ITSN1: variants seen among roughly 807,000 people sequenced by gnomAD.
The protein encoded by ITSN1 is intersectin-1.
In ITSN1, 58 loss-of-function variants were observed where a neutral mutation model predicts 239.8. The observed-to-expected ratio is 0.24, with a 90% CI of 0.20 to 0.30. The LOEUF is 0.30. Among genes scored for constraint, ITSN1 ranks in the 10% least tolerant of loss-of-function variants. The pLI is 1.00. For synonymous variants in ITSN1, 780 were observed against 770.8 expected (o/e 1.01, Z -0.20); for missense variants, 1,558 against 2,103.3 (o/e 0.74, Z 5.07).
intron 1 of ITSN1, among the ~76,000 whole-genome samples, chr21:33,650,030 G>GAAA (rs1165691619): frequency 2.2e-5 from 2 of 89,980 alleles, no homozygotes; most frequent in African/African-American, 4.0e-5. Flanking sequence ...CTCTGTCTCA[G>GAAA]AAAAAAAAAA....
At chr21:33,725,055 C>T (rs578184387) in intron 4 of ITSN1, among the ~76,000 whole-genome samples, 24 of 148,826 alleles carry the variant, frequency 1.6e-4, no homozygotes, top group Admixed American at 7.4e-4. Flanking sequence ...GCATCGCTTG[C>T]GCCCAGGAGT....
rs2069470150 is a variant in ITSN1 at position 33,774,843 on chromosome 21, A to G, written c.1420A>G (p.Lys474Glu). The change falls in exon 13 of 40, where the codon AAG (lysine) becomes GAG (glutamate). Residue 474 changes from lysine (K) to glutamate (E), a missense_variant. Physicochemically the swap from Lys to Glu is moderately conservative, Grantham distance 56 (BLOSUM62 1). Around this residue, in one of 2 missense-constraint regions of ITSN1, gnomAD observed 982 missense variants for 1,209.9 expected, o/e 0.81. Transcript: ENST00000381318. ...EQEDIVVLKA[K>E]KKTLEFELEA... ...AGAGGACATAGTTGTACTGAAAGCAAAGAAAAAGACTTTGGAATTTGAATT... is the reference window on the plus strand; with the variant it reads ...AGAGGACATAGTTGTACTGAAAGCAGAGAAAAAGACTTTGGAATTTGAATT... 1.9e-6 allele frequency: 3 copies of G among 1,613,192 alleles called. No individual in the cohort carries two copies. The highest frequency in any genetic ancestry group is 2.5e-6 in the Non-Finnish European group (3 of 1,179,768).
chr21:33,746,639 G>C (rs371897158), intron 5 of ITSN1, among the ~76,000 whole-genome samples: 3 of 152,100 alleles, frequency 2.0e-5, no homozygotes, highest in Non-Finnish European at 4.4e-5. Context: ...TAGAGAGTTC[G>C]AGACCCACCT....
chr21:33,845,354 C>T (rs980118831), intron 29 of ITSN1, among the ~76,000 whole-genome samples: 5 of 152,130 alleles, frequency 3.3e-5, no homozygotes, highest in Non-Finnish European at 5.9e-5. Context: ...CTGCTCCTGC[C>T]CCTCACAGAA....
intron 16 of ITSN1, among the ~76,000 whole-genome samples, chr21:33,788,708 G>A (rs1302003911): frequency 6.6e-6 from 1 of 152,168 alleles, no homozygotes; most frequent in East Asian, 1.9e-4. Flanking sequence ...ATCCCAGCCT[G>A]GGCAACAGAG....
chr21:33,861,668 C>T (rs748263650), intron 31 of ITSN1, among the ~76,000 whole-genome samples: 7 of 151,984 alleles, frequency 4.6e-5, no homozygotes, highest in East Asian at 1.9e-4. Flanking sequence ...GCAGAAGGGC[C>T]GGGTGCGGTG....
At chr21:33,867,376 G>C in intron 33 of ITSN1, 45 bp downstream of exon 33, 1 of 1,041,812 alleles carries the variant, frequency 9.6e-7, no homozygotes, top group Non-Finnish European at 1.5e-6. Context: ...GGCTTTCTCT[G>C]CATTGGAGAG....
At chr21:33,846,158 A>C (rs985288371) in intron 29 of ITSN1, among the ~76,000 whole-genome samples, 3 of 151,882 alleles carry the variant, frequency 2.0e-5, no homozygotes, top group Non-Finnish European at 4.4e-5. Context: ...TCCCTCCATC[A>C]TGTCAGCCTC....
intron 31 of ITSN1, among the ~76,000 whole-genome samples, chr21:33,861,382 G>T (rs1180025202): frequency 6.6e-6 from 1 of 151,950 alleles, no homozygotes; most frequent in Non-Finnish European, 1.5e-5. Flanking sequence ...TGATCCTACA[G>T]TCCTTGTATT....
At chr21:33,808,193 C>CAAA (rs201200641) in intron 20 of ITSN1, among the ~76,000 whole-genome samples, 1 of 118,884 alleles carries the variant, frequency 8.4e-6, no homozygotes, top group Non-Finnish European at 1.8e-5. Flanking sequence ...GACTCCGTCT[C>CAAA]AAAAAAAAAA....
intron 27 of ITSN1, among the ~76,000 whole-genome samples, chr21:33,832,471 G>C (rs1366881189): frequency 6.6e-6 from 1 of 152,218 alleles, no homozygotes; most frequent in Non-Finnish European, 1.5e-5. Flanking sequence ...TGTTTGAGTG[G>C]TTCTTAGGAT....
intron 1 of ITSN1, among the ~76,000 whole-genome samples, chr21:33,679,631 T>C (rs939667787): frequency 5.3e-5 from 8 of 152,050 alleles, no homozygotes; most frequent in Non-Finnish European, 1.0e-4. Context: ...GTATTGACAG[T>C]TTTTGCCTTG....
intron 29 of ITSN1, among the ~76,000 whole-genome samples, chr21:33,841,520 C>T (rs1040520962): frequency 2.6e-5 from 4 of 152,140 alleles, no homozygotes; most frequent in African/African-American, 4.8e-5. Context: ...TTTCCTTTTC[C>T]TTTAGATGTG....
At chr21:33,660,972 A>T (rs2089505246) in intron 1 of ITSN1, among the ~76,000 whole-genome samples, 1 of 152,188 alleles carries the variant, frequency 6.6e-6, no homozygotes, top group Admixed American at 6.5e-5. Context: ...AAACAATATC[A>T]CAAAATCGTG....
intron 28 of ITSN1, among the ~76,000 whole-genome samples, chr21:33,835,788 A>G (rs1398934174): frequency 6.6e-6 from 1 of 152,136 alleles, no homozygotes; most frequent in African/African-American, 2.4e-5. Flanking sequence ...AAAATTAGCC[A>G]GGCGTAGTGG....
At chr21:33,875,244 C>T in intron 33 of ITSN1, 110 bp from the exon 34 acceptor site, 2 of 1,206,786 alleles carry the variant, frequency 1.7e-6, no homozygotes, top group Non-Finnish European at 2.4e-6. Flanking sequence ...TGGGCGCCGT[C>T]CATGAAAGGA....
intron 1 of ITSN1, among the ~76,000 whole-genome samples, chr21:33,677,747 C>G (rs2090685690): frequency 3.9e-5 from 6 of 152,210 alleles, no homozygotes; most frequent in Admixed American, 3.9e-4. Context: ...CCAGAAACTT[C>G]AAAGGTGTCT....
intron 5 of ITSN1, among the ~76,000 whole-genome samples, chr21:33,741,592 G>A (rs1451803849): frequency 1.3e-5 from 2 of 151,978 alleles, no homozygotes; most frequent in African/African-American, 2.4e-5. Context: ...TATAAACATT[G>A]TTTTTAAAAA....
intron 33 of ITSN1, among the ~76,000 whole-genome samples, chr21:33,870,776 A>C (rs1982573021): frequency 6.6e-6 from 1 of 152,160 alleles, no homozygotes; most frequent in Admixed American, 6.5e-5. Flanking sequence ...AAACACAGAA[A>C]AAATTAGCCG....
Sources: gnomAD v4.1 joint callset for allele counts (sites outside exome capture counted in the v4.1 genomes callset) on GRCh38, gnomAD v4.1.1 for gene constraint, gnomAD v4.1.1 regional missense constraint, MANE v1.5 for transcripts, NCBI Gene and HGNC (gene_info 2026-07-23, HGNC 2026-07-21) for gene names.